The following DCBLD2 variants were observed in gnomAD, a reference collection of about 807,000 sequenced individuals.
The protein encoded by DCBLD2 is discoidin, CUB and LCCL domain-containing protein 2.
DCBLD2 carries 54 observed loss-of-function variants against 86.8 expected under a neutral mutation model. That is an observed-to-expected ratio of 0.62 (90% CI 0.50 to 0.78). The LOEUF (loss-of-function observed/expected upper bound fraction) is 0.78. Ranked by LOEUF, DCBLD2 falls within the 30% of genes least tolerant of loss-of-function variation. The pLI is 0.00. For synonymous variants in DCBLD2, 354 were observed against 341.3 expected (o/e 1.04, Z -0.41); for missense variants, 908 against 954.2 (o/e 0.95, Z 0.64).
chr3:98,822,428 T>C, intron 5 of DCBLD2, 67 bp from the exon 6 acceptor site: 1 of 1,527,516 alleles, frequency 6.5e-7, no homozygotes. Flanking sequence ...CAAGACACTC[T>C]ACTTCCTGAG....
At chr3:98,808,330 C>G (rs1941878164) in intron 12 of DCBLD2, among the ~76,000 whole-genome samples, 156 bp from the exon 13 acceptor site, 1 of 152,178 alleles carries the variant, frequency 6.6e-6, no homozygotes, top group Non-Finnish European at 1.5e-5. Context: ...GTGGTGGTAA[C>G]TGTAGAAGCT....
At chr3:98,834,974 T>TA in intron 3 of DCBLD2, among the ~76,000 whole-genome samples, 1 of 147,632 alleles carries the variant, frequency 6.8e-6, no homozygotes, top group Non-Finnish European at 1.5e-5. Context: ...CACATTCTTT[T>TA]TTTTTTTTAT....
chr3:98,849,084 G>C (rs1373018312), intron 3 of DCBLD2, among the ~76,000 whole-genome samples: 1 of 151,742 alleles, frequency 6.6e-6, no homozygotes, highest in African/African-American at 2.4e-5. Context: ...CAGGAGAATT[G>C]CTTGAACCCG....
intron 2 of DCBLD2, among the ~76,000 whole-genome samples, chr3:98,862,221 G>A (rs1943057330): frequency 6.6e-6 from 1 of 151,756 alleles, no homozygotes; most frequent in Non-Finnish European, 1.5e-5. Context: ...TGAAATTGAG[G>A]CAATAATAGC....
chr3:98,856,027 T>G (rs1197842619), intron 2 of DCBLD2, among the ~76,000 whole-genome samples: 1 of 152,210 alleles, frequency 6.6e-6, no homozygotes, highest in Non-Finnish European at 1.5e-5. Context: ...CATAATAATG[T>G]GAAGACTTCA....
intron 1 of DCBLD2, among the ~76,000 whole-genome samples, chr3:98,896,409 GAAC>G (rs1559803739): frequency 6.6e-6 from 1 of 152,100 alleles, no homozygotes; most frequent in Non-Finnish European, 1.5e-5. Context: ...TAACAGCTCT[GAAC>G]AATACAGTAA....
In DCBLD2 at chr3:98,847,139, G is replaced by A. The variant is rs541703267; in HGVS notation, c.571+2322C>T. ...TTTTGGTGGTAGGGGTGGGGAACACGTGTATGCATGTGTACAGTGGTAGAA... is the reference window on the plus strand; with the variant it reads ...TTTTGGTGGTAGGGGTGGGGAACACATGTATGCATGTGTACAGTGGTAGAA... On this transcript the variant is annotated intron_variant, in intron 3 of 15. Coordinates refer to ENST00000326840, the MANE Select transcript of DCBLD2 (RefSeq NM_080927.4). Among the ~76,000 whole-genome samples, 11 of 152,240 alleles carry A rather than the reference G, an allele frequency of 7.2e-5. No homozygotes were observed. The East Asian group carries it at 9.6e-4, about 13-fold the overall frequency.
At chr3:98,865,193 C>T (rs1338097614) in intron 2 of DCBLD2, among the ~76,000 whole-genome samples, 1 of 151,840 alleles carries the variant, frequency 6.6e-6, no homozygotes, top group Non-Finnish European at 1.5e-5. Context: ...TCACAATAGC[C>T]AAGATATGGA....
At position 98,799,659 on chromosome 3, in the gene DCBLD2, T is replaced by C. The variant is rs761034410; in HGVS notation, c.2041A>G (p.Ile681Val). The C allele has an allele frequency of 2.5e-6, 4 of 1,613,874 alleles. No homozygotes were observed. The highest frequency in any genetic ancestry group is 1.3e-5 in the African/African-American group (1 of 74,920). The stretch of plus-strand genomic sequence containing the variant: ...GGGTGCCCTGACATGTCCATGATGA[T>C]TGGGGTTGCATACTCAGGCCCCGTA... ...PITGPEYATP[I>V]IMDMSGHPTT... Residue 681 changes from isoleucine to valine, a missense_variant, in exon 16 of 16, where the codon ATC (isoleucine) becomes GTC (valine). Physicochemically the swap from Ile to Val is conservative, Grantham distance 29. Around this residue, in one of 3 missense-constraint regions of DCBLD2, gnomAD observed 606 missense variants for 678.5 expected, o/e 0.89. Coordinates refer to ENST00000326840, the MANE Select transcript of DCBLD2 (RefSeq NM_080927.4).
intron 10 of DCBLD2, 110 bp downstream of exon 10, chr3:98,812,222 A>C (rs1941951815): frequency 3.6e-6 from 5 of 1,401,782 alleles, no homozygotes; most frequent in Non-Finnish European, 4.8e-6. Context: ...TTGTAATTAG[A>C]GTTTAACCAG....
At chr3:98,878,763 C>A (rs1402911948) in intron 2 of DCBLD2, among the ~76,000 whole-genome samples, 1 of 152,206 alleles carries the variant, frequency 6.6e-6, no homozygotes, top group Non-Finnish European at 1.5e-5. Flanking sequence ...CATCATCACT[C>A]AGGCCCCTTG....
At chr3:98,874,481 A>T (rs967618260) in intron 2 of DCBLD2, among the ~76,000 whole-genome samples, 5 of 152,214 alleles carry the variant, frequency 3.3e-5, no homozygotes, top group Non-Finnish European at 7.3e-5. Context: ...GAAAAACCAT[A>T]TCATTACCTC....
At chr3:98,831,197 G>GC (rs1942314519) in intron 3 of DCBLD2, among the ~76,000 whole-genome samples, 1 of 149,698 alleles carries the variant, frequency 6.7e-6, no homozygotes. Flanking sequence ...ATGCCACCAT[G>GC]CTGAGCTAAT....
At chr3:98,834,749 C>T (rs1290335069) in intron 3 of DCBLD2, among the ~76,000 whole-genome samples, 16 of 152,188 alleles carry the variant, frequency 1.1e-4, no homozygotes, top group African/African-American at 3.1e-4. Flanking sequence ...AATAGTGCTG[C>T]GATAAAGATG....
chr3:98,844,129 A>G (rs911292735), intron 3 of DCBLD2, among the ~76,000 whole-genome samples: 1 of 151,954 alleles, frequency 6.6e-6, no homozygotes, highest in Non-Finnish European at 1.5e-5. Context: ...GCAAATGTAT[A>G]TATTTCTTTT....
rs1941642182 is a variant in DCBLD2 at position 98,797,852 on chromosome 3, A to T, written c.*1520T>A. On this transcript the variant is annotated 3_prime_UTR_variant, in exon 16 of 16. Transcript: ENST00000326840. ...TAATCTGGTGGCTCAGGCCAACAGA[A>T]GTGACTAGAACTTTATGGAAAAGTA... The T allele has an allele frequency of 6.6e-6, 1 of 152,248 alleles. No individual in the cohort carries two copies. The highest frequency in any genetic ancestry group is 2.1e-4 in the South Asian group (1 of 4,834). 9.4% of individuals were successfully genotyped at this position (152,248 alleles called of 1,614,324 possible).
At chr3:98,894,555 A>C (rs1943717490) in intron 1 of DCBLD2, among the ~76,000 whole-genome samples, 1 of 152,068 alleles carries the variant, frequency 6.6e-6, no homozygotes, top group Non-Finnish European at 1.5e-5. Flanking sequence ...AGCTTGAAGG[A>C]TTCCTCTCAT....
intron 13 of DCBLD2, among the ~76,000 whole-genome samples, chr3:98,802,784 A>C (rs1941754242): frequency 6.6e-6 from 1 of 152,196 alleles, no homozygotes; most frequent in Admixed American, 6.5e-5. Flanking sequence ...CAGTTTTCCC[A>C]GCACCATTTA....
chr3:98,825,511 C>A (rs1435884212), intron 3 of DCBLD2, 145 bp from the exon 4 acceptor site: 2 of 632,610 alleles, frequency 3.2e-6, no homozygotes, highest in African/African-American at 2.0e-5. Flanking sequence ...AAAACTTTGC[C>A]AACTTTTGTT....
Sources: allele counts gnomAD v4.1 joint callset (sites outside exome capture counted in the v4.1 genomes callset), GRCh38; gene constraint gnomAD v4.1.1; regional missense constraint gnomAD v4.1.1; transcripts MANE v1.5; gene names NCBI Gene and HGNC (gene_info 2026-07-23, HGNC 2026-07-21).